The following ESR1 variants were observed in gnomAD, a reference collection of about 807,000 sequenced individuals.
ESR1 encodes estrogen receptor.
In ESR1, 12 loss-of-function variants were observed where a neutral mutation model predicts 52.7. The ratio of observed to expected loss-of-function variants is 0.23; its 90% CI spans 0.15 to 0.37. ESR1 has a LOEUF of 0.37. Among genes scored for constraint, ESR1 ranks in the 10% least tolerant of loss-of-function variants. The pLI is 1.00. For synonymous variants in ESR1, 305 were observed against 316.8 expected (o/e 0.96, Z 0.39); for missense variants, 584 against 779.7 (o/e 0.75, Z 2.99).
intron 2 of ESR1, among the ~76,000 whole-genome samples, chr6:151,753,535 C>T (rs1024526750): frequency 2.6e-5 from 4 of 152,068 alleles, no homozygotes; most frequent in Admixed American, 6.6e-5. Context: ...CTAGGGTGGT[C>T]TCAAACTCCT....
chr6:151,859,470 T>C (rs777637396), intron 2 of ESR1, among the ~76,000 whole-genome samples: 23 of 152,126 alleles, frequency 1.5e-4, no homozygotes, highest in Non-Finnish European at 2.8e-4. Flanking sequence ...CAATGGAAGG[T>C]TTACTTGCGT....
intron 2 of ESR1, among the ~76,000 whole-genome samples, chr6:151,732,534 T>TTGTG (rs3036504): frequency 0.057 from 8,448 of 148,832 alleles, 748 homozygotes; most frequent in African/African-American, 0.19. Flanking sequence ...GTGTGTGTGT[T>TTGTG]TGTGTGTGTG....
chr6:151,724,067 G>GT (rs1256735460), intron 2 of ESR1, among the ~76,000 whole-genome samples: 1 of 152,156 alleles, frequency 6.6e-6, no homozygotes, highest in East Asian at 1.9e-4. Flanking sequence ...ACCCACGCCT[G>GT]TGGGGGCAGG....
At chr6:151,964,120 T>C (rs1191123092) in intron 4 of ESR1, among the ~76,000 whole-genome samples, 1 of 152,226 alleles carries the variant, frequency 6.6e-6, no homozygotes, top group Non-Finnish European at 1.5e-5. Flanking sequence ...TCTAGCTTTG[T>C]TCTTTTTGCT....
At chr6:151,705,113 C>A (rs1469887054) in intron 2 of ESR1, among the ~76,000 whole-genome samples, 1 of 152,062 alleles carries the variant, frequency 6.6e-6, no homozygotes, top group African/African-American at 2.4e-5. Flanking sequence ...CTCTGATCAT[C>A]ATAAGAGCAC....
chr6:152,113,957 G>A (rs978733691), intron 6 of ESR1, among the ~76,000 whole-genome samples: 5 of 152,202 alleles, frequency 3.3e-5, no homozygotes, highest in Non-Finnish European at 5.9e-5. Flanking sequence ...CAGAGTTTAT[G>A]TTATGGAAGG....
At chr6:151,719,484 TA>T (rs2128014890) in intron 2 of ESR1, among the ~76,000 whole-genome samples, 1 of 152,164 alleles carries the variant, frequency 6.6e-6, no homozygotes, top group Admixed American at 6.5e-5. Flanking sequence ...TGTTACGCCT[TA>T]AGGTGGGAGC....
chr6:151,752,538 G>T (rs1583127733), intron 2 of ESR1, among the ~76,000 whole-genome samples: 1 of 134,936 alleles, frequency 7.4e-6, no homozygotes. Context: ...ATAATTTTCT[G>T]CAAAGTGTTT....
chr6:151,701,401 C>T (rs916157339), intron 1 of ESR1, among the ~76,000 whole-genome samples: 6 of 151,278 alleles, frequency 4.0e-5, no homozygotes, highest in African/African-American at 7.3e-5. Context: ...TGGTGGTGTG[C>T]GCCTGTAGTC....
chr6:151,834,754 C>T (rs1157347016), intron 1 of ESR1, among the ~76,000 whole-genome samples: 3 of 151,746 alleles, frequency 2.0e-5, no homozygotes, highest in Non-Finnish European at 2.9e-5. Flanking sequence ...GTAATAGGCT[C>T]GTTTAGAATG....
At chr6:151,924,329 C>T (rs1183011997) in intron 3 of ESR1, among the ~76,000 whole-genome samples, 2 of 152,208 alleles carry the variant, frequency 1.3e-5, no homozygotes, top group African/African-American at 4.8e-5. Flanking sequence ...ACATAAGCCA[C>T]GGCGTCCGGC....
At chr6:151,860,149 A>G (rs990993327) in intron 2 of ESR1, among the ~76,000 whole-genome samples, 11 of 152,190 alleles carry the variant, frequency 7.2e-5, no homozygotes, top group African/African-American at 2.7e-4. Flanking sequence ...TTCAAAAATA[A>G]AATTGTATAT....
chr6:151,856,288 A>C (rs1267875077), intron 2 of ESR1, among the ~76,000 whole-genome samples: 1 of 152,186 alleles, frequency 6.6e-6, no homozygotes, highest in African/African-American at 2.4e-5. Flanking sequence ...TATGAAGGGA[A>C]ACAACTAGTC....
chr6:152,040,659 C>T (rs1234078651), intron 5 of ESR1, among the ~76,000 whole-genome samples: 1 of 152,218 alleles, frequency 6.6e-6, no homozygotes, highest in Non-Finnish European at 1.5e-5. Context: ...GGAAGATTTC[C>T]CTTCACTGCT....
intron 1 of ESR1, among the ~76,000 whole-genome samples, chr6:151,841,954 A>C (rs1173367201): frequency 6.6e-6 from 1 of 152,122 alleles, no homozygotes; most frequent in Non-Finnish European, 1.5e-5. Context: ...ACAGGGCTTA[A>C]ACAATTCTCC....
At chr6:151,981,814 C>T (rs1399910803) in intron 4 of ESR1, among the ~76,000 whole-genome samples, 1 of 152,202 alleles carries the variant, frequency 6.6e-6, no homozygotes, top group Non-Finnish European at 1.5e-5. Context: ...CTTTGTCCCA[C>T]CTGGCTTCCA....
At chr6:152,018,586 G>T (rs2128807408) in intron 5 of ESR1, among the ~76,000 whole-genome samples, 1 of 152,204 alleles carries the variant, frequency 6.6e-6, no homozygotes, top group African/African-American at 2.4e-5. Context: ...TAGTAGCTGG[G>T]GTGTTGGGGG....
chr6:151,912,508 A>G (rs1178195927), intron 3 of ESR1, among the ~76,000 whole-genome samples: 3 of 152,184 alleles, frequency 2.0e-5, no homozygotes, highest in Admixed American at 6.5e-5. Flanking sequence ...GCTGGTGACA[A>G]TAGCCTCAAG....
chr6:152,055,965 C>T (rs1335466075), intron 5 of ESR1, among the ~76,000 whole-genome samples: 1 of 152,128 alleles, frequency 6.6e-6, no homozygotes, highest in African/African-American at 2.4e-5. Context: ...ACTTACAGTA[C>T]GTTGTGATGT....
Sources: allele counts gnomAD v4.1 joint callset (sites outside exome capture counted in the v4.1 genomes callset), GRCh38; gene constraint gnomAD v4.1.1; transcripts MANE v1.5; gene names NCBI Gene and HGNC (gene_info 2026-07-23, HGNC 2026-07-21).